The following TBL1XR1 variants were observed in gnomAD, a reference collection of about 807,000 sequenced individuals.
TBL1XR1 encodes TBL1X/Y related 1, also known as F-box-like/WD repeat-containing protein TBL1XR1.
Under a neutral mutation model 66.9 loss-of-function variants are expected in TBL1XR1, and 5 were observed. The ratio of observed to expected loss-of-function variants is 0.07; its 90% CI spans 0.04 to 0.16. The LOEUF (loss-of-function observed/expected upper bound fraction) is 0.16. Ranked by LOEUF, TBL1XR1 falls within the 10% of genes least tolerant of loss-of-function variation. TBL1XR1 has a pLI of 1.00. For synonymous variants in TBL1XR1, 210 were observed against 206.0 expected (o/e 1.02, Z -0.17); for missense variants, 238 against 623.2 (o/e 0.38, Z 6.58).
intron 1 of TBL1XR1, among the ~76,000 whole-genome samples, chr3:177,149,721 C>G (rs1222272878): frequency 2.6e-5 from 4 of 151,990 alleles, no homozygotes; most frequent in South Asian, 2.1e-4. Context: ...GTTGGGGGGG[C>G]CGGAGGGGGA....
intron 14 of TBL1XR1, among the ~76,000 whole-genome samples, chr3:177,030,395 T>C (rs1713810809): frequency 6.6e-6 from 1 of 151,918 alleles, no homozygotes; most frequent in African/African-American, 2.4e-5. Context: ...TTCAAAGAAG[T>C]GGTAAAAAAC....
chr3:177,196,134 A>G (rs1201342645), intron 1 of TBL1XR1, among the ~76,000 whole-genome samples: 1 of 152,226 alleles, frequency 6.6e-6, no homozygotes, highest in African/African-American at 2.4e-5. Flanking sequence ...CAGCAAATTA[A>G]GAACTTCCAA....
chr3:177,089,847 A>T (rs1319151090), intron 2 of TBL1XR1, among the ~76,000 whole-genome samples: 1 of 152,248 alleles, frequency 6.6e-6, no homozygotes, highest in Non-Finnish European at 1.5e-5. Flanking sequence ...GTTCTAAAAT[A>T]AACTAGCAAA....
Position 177,046,109 on chromosome 3 carries a change from G to T in TBL1XR1, c.925+20C>A. 1 of 1,519,534 alleles carries T rather than the reference G, an allele frequency of 6.6e-7. No individual in the cohort carries two copies. The highest frequency in any genetic ancestry group is 8.8e-7 in the Non-Finnish European group (1 of 1,135,412). 94.1% of individuals were successfully genotyped at this position (1,519,534 alleles called of 1,614,324 possible). On this transcript the variant is annotated intron_variant, in intron 10 of 15. Transcript: ENST00000457928. ...AACAGAAGCAAGCTCCAGCTTTCACGTAAATTATAAGAAATTTACCTGAAT... is the reference window on the plus strand; with the variant it reads ...AACAGAAGCAAGCTCCAGCTTTCACTTAAATTATAAGAAATTTACCTGAAT...
intron 2 of TBL1XR1, among the ~76,000 whole-genome samples, chr3:177,089,832 A>G (rs1376865325): frequency 6.6e-6 from 1 of 152,242 alleles, no homozygotes; most frequent in African/African-American, 2.4e-5. Context: ...AAAGATATGC[A>G]AACAGTTCTA....
intron 2 of TBL1XR1, among the ~76,000 whole-genome samples, chr3:177,081,612 C>A (rs1019306345): frequency 6.6e-6 from 1 of 151,910 alleles, no homozygotes; most frequent in African/African-American, 2.4e-5. Context: ...TTAGTGCATG[C>A]CTGTAGTCCT....
intron 1 of TBL1XR1, among the ~76,000 whole-genome samples, chr3:177,193,512 T>C (rs1736433537): frequency 1.3e-5 from 2 of 152,158 alleles, no homozygotes; most frequent in African/African-American, 4.8e-5. Flanking sequence ...GGATTCACCA[T>C]GCTGGCCAAG....
At chr3:177,139,064 A>G (rs1467992610) in intron 1 of TBL1XR1, among the ~76,000 whole-genome samples, 3 of 152,230 alleles carry the variant, frequency 2.0e-5, no homozygotes, top group Non-Finnish European at 4.4e-5. Flanking sequence ...CCAAAACCTA[A>G]TAGTATAAAA....
chr3:177,058,877 C>CA (rs35820062), intron 3 of TBL1XR1, among the ~76,000 whole-genome samples: 1 of 151,138 alleles, frequency 6.6e-6, no homozygotes, highest in African/African-American at 2.4e-5. Flanking sequence ...CCTGTGTCAG[C>CA]AAAAAATGGT....
intron 2 of TBL1XR1, among the ~76,000 whole-genome samples, chr3:177,081,141 T>G (rs1721338420): frequency 2.0e-5 from 3 of 152,232 alleles, no homozygotes; most frequent in Non-Finnish European, 4.4e-5. Flanking sequence ...TTTGAACATT[T>G]CACCTTGGCA....
intron 14 of TBL1XR1, among the ~76,000 whole-genome samples, chr3:177,028,967 C>T (rs1259074309): frequency 1.3e-5 from 2 of 152,152 alleles, no homozygotes; most frequent in East Asian, 3.9e-4. Flanking sequence ...AGACAACTGA[C>T]TACCCAAATG....
Position 177,053,839 on chromosome 3 carries a change from G to C in TBL1XR1, c.138C>G (p.Pro46=), listed in dbSNP as rs373988821. 3.8e-5 allele frequency: 61 copies of C among 1,613,574 alleles called. No individual in the cohort carries two copies. The highest frequency in any genetic ancestry group is 5.1e-5 in the Non-Finnish European group (60 of 1,179,720). ...TCTGGATGATAGAAATCAATGCAGC[G>C]GGTGGGACGAGGGCACCATTTATAT... ...QSNINGALVP[P]AALISIIQKG... Residue 46 remains proline (P), a synonymous_variant, in exon 4 of 16, where the codon CCC becomes CCG. Coordinates refer to ENST00000457928, the MANE Select transcript of TBL1XR1 (RefSeq NM_024665.7).
At chr3:177,027,798 C>CA (rs932827895) in intron 14 of TBL1XR1, 1 of 152,116 alleles carries the variant, frequency 6.6e-6, no homozygotes, top group Middle Eastern at 3.2e-3. Context: ...TGGGAAGGCT[C>CA]AACTGTTTTG....
chr3:177,023,267 C>T lies in TBL1XR1; in HGVS notation c.*2231G>A, dbSNP rs796434825. 2 of 152,464 alleles carry T rather than the reference C, an allele frequency of 1.3e-5. No homozygotes were observed. The highest frequency in any genetic ancestry group is 2.1e-4 in the South Asian group (1 of 4,832). 9.4% of individuals were successfully genotyped at this position (152,464 alleles called of 1,614,324 possible). A position where few individuals can be genotyped will look rare whatever the true frequency, so the allele number is the denominator to read the frequency against. On this transcript the variant is annotated 3_prime_UTR_variant, in exon 16 of 16. Coordinates refer to ENST00000457928, the MANE Select transcript of TBL1XR1 (RefSeq NM_024665.7). Reference sequence around the variant, plus strand: ...AAAGGAAAATGCAGCTTAAAAGATACTCAAAACATTTGTGTCTATTCCTGG... The same window carrying T: ...AAAGGAAAATGCAGCTTAAAAGATATTCAAAACATTTGTGTCTATTCCTGG...
chr3:177,101,057 A>T (rs1396313232), intron 1 of TBL1XR1, among the ~76,000 whole-genome samples: 1 of 152,072 alleles, frequency 6.6e-6, no homozygotes, highest in Non-Finnish European at 1.5e-5. Context: ...GGGTCTCTCC[A>T]TGTTGGTCAG....
intron 10 of TBL1XR1, among the ~76,000 whole-genome samples, chr3:177,039,656 A>G (rs1715298799): frequency 6.6e-6 from 1 of 152,216 alleles, no homozygotes; most frequent in Non-Finnish European, 1.5e-5. Context: ...AACACAGATT[A>G]TGGTAATAAT....
At chr3:177,184,795 T>C (rs575925909) in intron 1 of TBL1XR1, among the ~76,000 whole-genome samples, 6 of 115,164 alleles carry the variant, frequency 5.2e-5, no homozygotes, top group Non-Finnish European at 1.0e-4. Context: ...AGCAAGACTG[T>C]GGCTCAAAAA....
intron 1 of TBL1XR1, among the ~76,000 whole-genome samples, chr3:177,171,235 G>A (rs923978996): frequency 2.0e-5 from 3 of 151,978 alleles, no homozygotes; most frequent in African/African-American, 7.2e-5. Flanking sequence ...AGCTACTCGG[G>A]AGACTGAGGC....
At chr3:177,051,969 T>G (rs1421719107) in intron 4 of TBL1XR1, among the ~76,000 whole-genome samples, 1 of 152,132 alleles carries the variant, frequency 6.6e-6, no homozygotes, top group Non-Finnish European at 1.5e-5. Flanking sequence ...GCTGTACAGA[T>G]AGAGCTGAAA....
Sources: allele counts gnomAD v4.1 joint callset (sites outside exome capture counted in the v4.1 genomes callset), GRCh38; gene constraint gnomAD v4.1.1; transcripts MANE v1.5; gene names NCBI Gene and HGNC (gene_info 2026-07-23, HGNC 2026-07-21).